SHISAL1: variants seen among roughly 807,000 people sequenced by gnomAD.
The protein encoded by SHISAL1 is protein shisa-like-1.
In SHISAL1, 9 loss-of-function variants were observed where a neutral mutation model predicts 22.6. That is an observed-to-expected ratio of 0.40 (90% CI 0.24 to 0.70). The LOEUF is 0.70. Ranked by LOEUF, SHISAL1 falls within the 30% of genes least tolerant of loss-of-function variation. The pLI, the probability that SHISAL1 is intolerant of heterozygous loss-of-function variation, is 0.39. For synonymous variants in SHISAL1, 119 were observed against 115.4 expected (o/e 1.03, Z -0.20); for missense variants, 246 against 270.6 (o/e 0.91, Z 0.64).
At chr22:44,313,825 C>G (rs1451746611), upstream of SHISAL1, among the ~76,000 whole-genome samples, 1 of 152,214 alleles carries the variant, frequency 6.6e-6, no homozygotes, top group African/African-American at 2.4e-5. Context: ...TGGAAGCCTG[C>G]CCATCCTGAG....
chr22:44,327,246 A>G, the SHISAL1 span, among the ~76,000 whole-genome samples: 205 of 40,402 alleles, frequency 5.1e-3, 1 homozygote, highest in African/African-American at 0.011. Context: ...GCGCGCACAC[A>G]CACACACACA....
At chr22:44,270,841 G>C (rs1008975455) in intron 4 of SHISAL1, among the ~76,000 whole-genome samples, 9 of 152,144 alleles carry the variant, frequency 5.9e-5, no homozygotes, top group African/African-American at 2.2e-4. Flanking sequence ...CCAGCTCACC[G>C]GGAAGCAGAT....
chr22:44,282,420 C>T (rs948460734), intron 4 of SHISAL1, among the ~76,000 whole-genome samples: 5 of 152,202 alleles, frequency 3.3e-5, no homozygotes, highest in Non-Finnish European at 7.3e-5. Flanking sequence ...TGTCTCTGTC[C>T]CCCCTGCGGT....
intron 3 of SHISAL1, among the ~76,000 whole-genome samples, chr22:44,294,845 C>A (rs1341846988): frequency 6.6e-6 from 1 of 152,050 alleles, no homozygotes; most frequent in Non-Finnish European, 1.5e-5. Flanking sequence ...GAAGGAAAGA[C>A]CCAACAGCAA....
intron 4 of SHISAL1, among the ~76,000 whole-genome samples, chr22:44,257,161 C>A (rs1213185456): frequency 6.6e-6 from 1 of 152,234 alleles, no homozygotes; most frequent in African/African-American, 2.4e-5. Context: ...TTGACACATG[C>A]CTATGGTACA....
the SHISAL1 span, among the ~76,000 whole-genome samples, chr22:44,321,699 G>A: frequency 6.6e-6 from 1 of 152,188 alleles, no homozygotes; most frequent in South Asian, 2.1e-4. Flanking sequence ...ACCCCCTTCT[G>A]AGGAAGCAGC....
At chr22:44,275,631 C>T (rs1601787773) in intron 4 of SHISAL1, among the ~76,000 whole-genome samples, 1 of 152,198 alleles carries the variant, frequency 6.6e-6, no homozygotes, top group Non-Finnish European at 1.5e-5. Flanking sequence ...AAGGCGGAGA[C>T]GTTGCTCTTC....
chr22:44,314,134 C>T (rs892778973), upstream of SHISAL1, among the ~76,000 whole-genome samples: 2 of 145,884 alleles, frequency 1.4e-5, no homozygotes, highest in South Asian at 2.3e-4. Flanking sequence ...CGTCCTGGGT[C>T]GCCTGGCTGG....
At chr22:44,259,072 A>C (rs1230953461) in intron 4 of SHISAL1, among the ~76,000 whole-genome samples, 1 of 152,182 alleles carries the variant, frequency 6.6e-6, no homozygotes, top group African/African-American at 2.4e-5. Flanking sequence ...AAGGCTCGTG[A>C]AAAAGGGAAG....
chr22:44,309,970 A>T (rs1164631579), intron 1 of SHISAL1, among the ~76,000 whole-genome samples: 1 of 152,224 alleles, frequency 6.6e-6, no homozygotes, highest in Non-Finnish European at 1.5e-5. Flanking sequence ...GAACTAGGAC[A>T]TCTTTCCTCG....
At chr22:44,322,938 C>T in the SHISAL1 span, among the ~76,000 whole-genome samples, 2 of 151,892 alleles carry the variant, frequency 1.3e-5, no homozygotes, top group South Asian at 2.1e-4. Flanking sequence ...TCCATCTGTC[C>T]GTCCACCCAT....
intron 4 of SHISAL1, among the ~76,000 whole-genome samples, chr22:44,269,801 G>A (rs135417): frequency 0.46 from 69,601 of 151,792 alleles, 18,315 homozygotes; most frequent in Non-Finnish European, 0.61. Context: ...AGCCCCTCAG[G>A]ACCCACCTCT....
chr22:44,264,078 G>A (rs113210162), intron 4 of SHISAL1, among the ~76,000 whole-genome samples: 5 of 152,146 alleles, frequency 3.3e-5, no homozygotes, highest in African/African-American at 4.8e-5. Flanking sequence ...AGTGTGGTGC[G>A]TCCACACAAT....
chr22:44,308,637 C>T (rs1201050937), intron 1 of SHISAL1, among the ~76,000 whole-genome samples: 1 of 152,196 alleles, frequency 6.6e-6, no homozygotes, highest in Admixed American at 6.5e-5. Context: ...TGATCTCGGG[C>T]TGTCTGGAGG....
At chr22:44,266,376 GGTGTGTTTGT>G (rs1226396582) in intron 4 of SHISAL1, among the ~76,000 whole-genome samples, 5 of 151,192 alleles carry the variant, frequency 3.3e-5, no homozygotes, top group African/African-American at 9.8e-5. Flanking sequence ...GAGGCAGTGG[GGTGTGTTTGT>G]GTGTGTTTGT....
intron 4 of SHISAL1, among the ~76,000 whole-genome samples, chr22:44,268,167 T>C (rs1347260639): frequency 1.3e-5 from 2 of 152,222 alleles, no homozygotes; most frequent in Non-Finnish European, 2.9e-5. Flanking sequence ...TTTTTAATGC[T>C]GCTTTGGTAA....
At chr22:44,314,667 C>T (rs2055545983), upstream of SHISAL1, among the ~76,000 whole-genome samples, 1 of 152,138 alleles carries the variant, frequency 6.6e-6, no homozygotes, top group South Asian at 2.1e-4. Context: ...CACAGTGGGT[C>T]TTTGCCTCAG....
the SHISAL1 span, among the ~76,000 whole-genome samples, chr22:44,329,456 C>T: frequency 1.6e-5 from 2 of 127,254 alleles, no homozygotes; most frequent in African/African-American, 2.5e-5. Flanking sequence ...CACACACACA[C>T]ACACACACGC....
chr22:44,292,895 C>T (rs1424204328), intron 3 of SHISAL1, among the ~76,000 whole-genome samples: 1 of 152,262 alleles, frequency 6.6e-6, no homozygotes, highest in Non-Finnish European at 1.5e-5. Context: ...ATGGCTCCTG[C>T]TCCTGCAGAC....
Sources: gnomAD v4.1 joint callset for allele counts (sites outside exome capture counted in the v4.1 genomes callset) on GRCh38, gnomAD v4.1.1 for gene constraint, MANE v1.5 for transcripts, NCBI Gene and HGNC (gene_info 2026-07-23, HGNC 2026-07-21) for gene names.